The following CR1L variants were observed in gnomAD, a reference collection of about 807,000 sequenced individuals.
CR1L encodes complement component receptor 1-like protein.
Under a neutral mutation model 62.3 loss-of-function variants are expected in CR1L, and 59 were observed. The observed-to-expected ratio is 0.95, with a 90% CI of 0.77 to 1.18. CR1L has a LOEUF of 1.18. CR1L is among the 50% of genes most tolerant of loss of function. The pLI is 0.00. For synonymous variants in CR1L, 279 were observed against 248.7 expected (o/e 1.12, Z -1.15); for missense variants, 700 against 702.8 (o/e 1.00, Z 0.04).
chr1:207,706,025 A>G (rs1371125903), intron 9 of CR1L, among the ~76,000 whole-genome samples: 13 of 147,548 alleles, frequency 8.8e-5, no homozygotes, highest in African/African-American at 3.2e-4. Context: ...ATATATATAT[A>G]TATATATATA....
chr1:207,706,083 A>G (rs1664263618), intron 9 of CR1L, among the ~76,000 whole-genome samples: 1 of 150,336 alleles, frequency 6.7e-6, no homozygotes, highest in African/African-American at 2.4e-5. Flanking sequence ...GCAAAGAGTA[A>G]GAAGAGTTAA....
intron 5 of CR1L, 99 bp from the exon 6 acceptor site, chr1:207,697,404 T>G: frequency 6.2e-7 from 1 of 1,603,668 alleles, no homozygotes. Flanking sequence ...ACCTTTTTTG[T>G]TACATATAGA....
At chr1:207,653,176 T>C (rs887096067) in intron 1 of CR1L, 5 of 163,902 alleles carry the variant, frequency 3.1e-5, no homozygotes, top group Non-Finnish European at 6.7e-5. Context: ...TTATTTGTAA[T>C]GAGGGGTAAG....
At chr1:207,682,306 T>C (rs1663812227) in intron 3 of CR1L, among the ~76,000 whole-genome samples, 1 of 151,906 alleles carries the variant, frequency 6.6e-6, no homozygotes, top group Admixed American at 6.6e-5. Context: ...ACCCCGTCTT[T>C]ACTAAAAATA....
intron 1 of CR1L, chr1:207,659,222 CCCAGCCTTGCCGGCT>C (rs1663368702): frequency 6.6e-6 from 1 of 152,530 alleles, no homozygotes; most frequent in African/African-American, 2.4e-5. Context: ...TAGCCCACTG[CCCAGCCTTGCCGGCT>C]CCTCTGCTGA....
intron 4 of CR1L, 117 bp downstream of exon 4, chr1:207,684,074 C>G (rs1663851090): frequency 2.2e-6 from 2 of 924,934 alleles, no homozygotes; most frequent in Admixed American, 4.7e-5. Context: ...TGGCTGAAGA[C>G]AGCCATAATG....
In CR1L at chr1:207,677,544, A is replaced by T. The variant is rs1439833022; in HGVS notation, c.253A>T (p.Thr85Ser). 6.2e-7 allele frequency: 1 copy of T among 1,613,888 alleles called. No individual in the cohort carries two copies. The highest frequency in any genetic ancestry group is 1.1e-5 in the South Asian group (1 of 91,056). ...SIICLKNSVW[T>S]SAKDKCKRKS... ...CATCTGCCTAAAAAACTCAGTCTGG[A>T]CAAGTGCTAAGGACAAGTGCAAACG... is the stretch of plus-strand genomic sequence containing the variant. The change falls in exon 2 of 12, where the codon ACA (threonine) becomes TCA (serine). Residue 85 changes from threonine to serine, a missense_variant. Coordinates refer to ENST00000508064, the MANE Select transcript of CR1L (RefSeq NM_175710.2).
At chr1:207,655,692 C>A (rs577497200) in intron 1 of CR1L, among the ~76,000 whole-genome samples, 7 of 152,296 alleles carry the variant, frequency 4.6e-5, no homozygotes, top group African/African-American at 1.7e-4. Flanking sequence ...CCCCCGTGGG[C>A]CTCCCAAAGT....
intron 1 of CR1L, among the ~76,000 whole-genome samples, chr1:207,671,017 G>A (rs1663607746): frequency 6.6e-6 from 1 of 151,138 alleles, no homozygotes; most frequent in Non-Finnish European, 1.5e-5. Flanking sequence ...GAAGTAGGTG[G>A]TGGAGTTTTA....
chr1:207,655,681 G>T (rs1663296758), intron 1 of CR1L, among the ~76,000 whole-genome samples: 1 of 152,094 alleles, frequency 6.6e-6, no homozygotes, highest in African/African-American at 2.4e-5. Flanking sequence ...CAAGCAATCT[G>T]CCCCCGTGGG....
chr1:207,707,823 T>C (rs1305776304), intron 9 of CR1L, among the ~76,000 whole-genome samples: 4 of 46,126 alleles, frequency 8.7e-5, no homozygotes, highest in Admixed American at 1.6e-4. Context: ...CACACACATA[T>C]TAAGGGAATA....
intron 5 of CR1L, among the ~76,000 whole-genome samples, chr1:207,695,940 C>T (rs1664095650): frequency 6.6e-6 from 1 of 152,242 alleles, no homozygotes; most frequent in African/African-American, 2.4e-5. Context: ...TAGGCTCCTC[C>T]TCCAACACTG....
chr1:207,662,964 T>C (rs1299104733), intron 1 of CR1L, among the ~76,000 whole-genome samples: 5 of 152,218 alleles, frequency 3.3e-5, no homozygotes, highest in Non-Finnish European at 7.4e-5. Context: ...GAACAGCGGA[T>C]ACTGGTGAAC....
At chr1:207,656,054 C>T (rs1351631927) in intron 1 of CR1L, among the ~76,000 whole-genome samples, 2 of 152,068 alleles carry the variant, frequency 1.3e-5, no homozygotes, top group Non-Finnish European at 1.5e-5. Context: ...CTGTCTAATA[C>T]CCTGAAACCC....
intron 1 of CR1L, among the ~76,000 whole-genome samples, chr1:207,652,045 C>T (rs1160145405): frequency 6.6e-6 from 1 of 152,118 alleles, no homozygotes; most frequent in Non-Finnish European, 1.5e-5. Context: ...TCTTGAGCAC[C>T]CACAAGGTGG....
At chr1:207,656,858 A>C (rs2025373) in intron 1 of CR1L, among the ~76,000 whole-genome samples, 38 of 152,256 alleles carry the variant, frequency 2.5e-4, no homozygotes, top group South Asian at 6.2e-4. Context: ...ATTTGACATG[A>C]GATTTGGTGG....
intron 1 of CR1L, chr1:207,669,441 G>A (rs1571649576): frequency 1.5e-6 from 2 of 1,344,452 alleles, no homozygotes; most frequent in East Asian, 2.3e-5. Flanking sequence ...TGTGCTTCGG[G>A]AGGATGGGGG....
At position 207,672,242 on chromosome 1, in the gene CR1L, C is replaced by G. The variant is rs539429047; in HGVS notation, c.98-5147C>G. The stretch of plus-strand genomic sequence containing the variant: ...AAAGCAGGAGTAGCTGTGTTAATTT[C>G]AAACACAGCAGACTTCAGACGAAGG... On this transcript the variant is annotated intron_variant, in intron 1 of 11. Coordinates refer to ENST00000508064, the MANE Select transcript of CR1L (RefSeq NM_175710.2). Among the ~76,000 whole-genome samples the G allele has an allele frequency of 2.9e-4, 43 of 150,590 alleles. 3 individuals are homozygous for G. The highest frequency in any genetic ancestry group is 1.0e-3 in the African/African-American group (41 of 40,080).
intron 1 of CR1L, among the ~76,000 whole-genome samples, chr1:207,652,224 A>G (rs1379552137): frequency 2.0e-5 from 3 of 152,256 alleles, no homozygotes; most frequent in African/African-American, 7.2e-5. Context: ...AGGAGAAGTT[A>G]CTTTTGAAAT....
Sources: allele counts gnomAD v4.1 joint callset (sites outside exome capture counted in the v4.1 genomes callset), GRCh38; gene constraint gnomAD v4.1.1; transcripts MANE v1.5; gene names NCBI Gene and HGNC (gene_info 2026-07-23, HGNC 2026-07-21).